Variants in NLGN4X observed in about 807,000 individuals in gnomAD.
The protein encoded by NLGN4X is neuroligin-4, X-linked.
Under a neutral mutation model 40.3 loss-of-function variants are expected in NLGN4X, and 3 were observed. The observed-to-expected ratio is 0.07, with a 90% confidence interval of 0.03 to 0.19. NLGN4X has a LOEUF of 0.19. NLGN4X is among the 10% of genes least tolerant of loss of function. The probability of loss-of-function intolerance (pLI) is 1.00; values close to 1 mark genes in which losing one functional copy is unlikely to be tolerated. For synonymous variants in NLGN4X, 270 were observed against 306.8 expected (o/e 0.88, Z 1.25); for missense variants, 382 against 708.3 (o/e 0.54, Z 5.23).
intron 2 of NLGN4X, among the ~76,000 whole-genome samples, chrX:6,056,000 T>C (rs2037615810): frequency 8.9e-6 from 1 of 112,500 alleles, no homozygotes; most frequent in Admixed American, 9.4e-5. Context: ...TCAACACTAC[T>C]ATATCATGCA....
intron 2 of NLGN4X, among the ~76,000 whole-genome samples, chrX:6,140,034 G>C (rs2039909660): frequency 9.0e-6 from 1 of 111,468 alleles, no homozygotes; most frequent in South Asian, 3.8e-4. Context: ...ATGTTCCCTT[G>C]TTGAGTGAAT....
intron 1 of NLGN4X, among the ~76,000 whole-genome samples, chrX:6,224,997 T>C (rs1222057725): frequency 1.9e-5 from 1 of 53,397 alleles, no homozygotes; most frequent in Admixed American, 2.3e-4. Context: ...TATATATATA[T>C]ATATATATAT....
At chrX:6,106,936 C>G (rs1422848029) in intron 2 of NLGN4X, among the ~76,000 whole-genome samples, 2 of 112,307 alleles carry the variant, frequency 1.8e-5, no homozygotes, top group African/African-American at 6.5e-5. Context: ...CCTCTCCAGG[C>G]AAAAACCTGC....
chrX:6,003,420 T>A (rs906647992), intron 3 of NLGN4X, among the ~76,000 whole-genome samples: 8 of 112,652 alleles, frequency 7.1e-5, no homozygotes, highest in Admixed American at 5.6e-4. Context: ...TCAGGCCTAA[T>A]CAGGCTTCTC....
At chrX:5,958,195 T>C (rs1408332874) in intron 3 of NLGN4X, among the ~76,000 whole-genome samples, 3 of 111,524 alleles carry the variant, frequency 2.7e-5, no homozygotes, top group Non-Finnish European at 5.6e-5. Flanking sequence ...AGAACAAAAG[T>C]TGAACATTTC....
chrX:5,928,848 T>A (rs865978591), intron 3 of NLGN4X, among the ~76,000 whole-genome samples: 1 of 109,515 alleles, frequency 9.1e-6, no homozygotes, highest in African/African-American at 3.3e-5. Context: ...TTTTTTTTTT[T>A]AATTTTTAGT....
chrX:6,186,217 A>G (rs1236491273), intron 1 of NLGN4X, among the ~76,000 whole-genome samples: 1 of 112,449 alleles, frequency 8.9e-6, no homozygotes, highest in Non-Finnish European at 1.9e-5. Context: ...TTTGTAGGCC[A>G]TGCAGTGTCT....
intron 1 of NLGN4X, among the ~76,000 whole-genome samples, chrX:6,170,357 A>C (rs1336612728): frequency 8.9e-6 from 1 of 112,255 alleles, no homozygotes; most frequent in East Asian, 2.8e-4. Flanking sequence ...GAAAAATTTC[A>C]CTGCCCAGTC....
At chrX:6,123,608 A>G (rs1239528396) in intron 2 of NLGN4X, among the ~76,000 whole-genome samples, 3 of 111,290 alleles carry the variant, frequency 2.7e-5, no homozygotes, top group Non-Finnish European at 3.8e-5. Flanking sequence ...AAGAGTAGAG[A>G]AAATGCTAAA....
At chrX:6,188,673 G>C (rs1253630130) in intron 1 of NLGN4X, among the ~76,000 whole-genome samples, 1 of 111,344 alleles carries the variant, frequency 9.0e-6, no homozygotes, top group Non-Finnish European at 1.9e-5. Context: ...TCAGAACTTA[G>C]TATCAACAAT....
chrX:5,911,148 T>C (rs1473772557), intron 3 of NLGN4X, among the ~76,000 whole-genome samples: 2 of 111,657 alleles, frequency 1.8e-5, no homozygotes, highest in Non-Finnish European at 3.8e-5. Flanking sequence ...AGGGCAATGC[T>C]TTCTTCCCCT....
intron 2 of NLGN4X, among the ~76,000 whole-genome samples, chrX:6,036,610 G>GCACACACA (rs55801725): frequency 2.4e-3 from 222 of 93,564 alleles, no homozygotes; most frequent in Middle Eastern, 0.011. Context: ...TGTGGCTGGC[G>GCACACACA]CACACACACA....
intron 1 of NLGN4X, among the ~76,000 whole-genome samples, chrX:6,221,391 T>TTTTATATATATATATA (rs1491106130): frequency 2.2e-4 from 12 of 53,345 alleles, no homozygotes; most frequent in African/African-American, 9.0e-4. Context: ...CCTTCTTATA[T>TTTTATATATATATATA]TATATATATA....
At chrX:6,040,498 T>C (rs2037128445) in intron 2 of NLGN4X, among the ~76,000 whole-genome samples, 1 of 111,841 alleles carries the variant, frequency 8.9e-6, no homozygotes, top group Non-Finnish European at 1.9e-5. Context: ...GATTACTTAA[T>C]CCAGAAACAT....
intron 3 of NLGN4X, chrX:5,991,573 G>C: frequency 2.0e-6 from 1 of 488,254 alleles, no homozygotes; most frequent in East Asian, 3.8e-5. Flanking sequence ...CTCTTGCCTA[G>C]AAAATCCACG....
intron 2 of NLGN4X, among the ~76,000 whole-genome samples, chrX:6,113,959 T>G (rs2039212549): frequency 1.8e-5 from 2 of 110,938 alleles, no homozygotes; most frequent in African/African-American, 6.6e-5. Context: ...TAGCTGTAAC[T>G]ACAGGTGTGC....
chrX:6,041,360 T>C (rs2037151623), intron 2 of NLGN4X, among the ~76,000 whole-genome samples: 1 of 111,904 alleles, frequency 8.9e-6, no homozygotes, highest in South Asian at 3.8e-4. Context: ...TTTGAGATGG[T>C]TCCTTATGTA....
chrX:6,136,651 TTA>T (rs1469397328), intron 2 of NLGN4X, among the ~76,000 whole-genome samples: 2 of 112,329 alleles, frequency 1.8e-5, no homozygotes, highest in African/African-American at 6.5e-5. Flanking sequence ...AAGACACAAT[TTA>T]TATGCTTATG....
chrX:6,167,743 A>C (rs2040527526), intron 1 of NLGN4X, among the ~76,000 whole-genome samples: 1 of 111,779 alleles, frequency 8.9e-6, no homozygotes, highest in Admixed American at 9.5e-5. Context: ...GTCCAAGAAA[A>C]AATAGGATGA....
Sources: gnomAD v4.1 joint callset for allele counts (sites outside exome capture counted in the v4.1 genomes callset) on GRCh38, gnomAD v4.1.1 for gene constraint, MANE v1.5 for transcripts, NCBI Gene and HGNC (gene_info 2026-07-23, HGNC 2026-07-21) for gene names.